Variants in DLGAP4 observed in about 807,000 individuals in gnomAD.
DLGAP4 encodes disks large-associated protein 4.
In DLGAP4, 18 loss-of-function variants were observed where a neutral mutation model predicts 86.9. The ratio of observed to expected loss-of-function variants is 0.21; its 90% CI spans 0.14 to 0.31. The LOEUF (loss-of-function observed/expected upper bound fraction) is 0.31, where lower values mean the gene tolerates loss of function less well. Ranked by LOEUF, DLGAP4 falls within the 10% of genes least tolerant of loss-of-function variation. The probability of loss-of-function intolerance (pLI) is 1.00; values close to 1 mark genes in which losing one functional copy is unlikely to be tolerated. For synonymous variants in DLGAP4, 548 were observed against 574.3 expected, an observed-to-expected ratio of 0.95 and a Z score of 0.65; for missense variants, 1,085 against 1,362.6, an observed-to-expected ratio of 0.80 and a Z score of 3.21.
intron 10 of DLGAP4, among the ~76,000 whole-genome samples, chr20:36,511,847 C>G (rs2036714534): frequency 6.8e-6 from 1 of 148,144 alleles, no homozygotes; most frequent in South Asian, 2.2e-4. Context: ...CGCGCTCCAG[C>G]CTGGGCGACA....
At chr20:36,370,741 G>T (rs1224686231) in intron 2 of DLGAP4, among the ~76,000 whole-genome samples, 1 of 152,206 alleles carries the variant, frequency 6.6e-6, no homozygotes, top group Non-Finnish European at 1.5e-5. Flanking sequence ...GATCACTTGA[G>T]CCCAAAAGTT....
intron 10 of DLGAP4, among the ~76,000 whole-genome samples, chr20:36,513,019 T>A (rs554674602): frequency 7.1e-6 from 1 of 141,046 alleles, no homozygotes; most frequent in East Asian, 2.1e-4. Flanking sequence ...CGGCGCAATT[T>A]TGGCTGACTG....
intron 2 of DLGAP4, among the ~76,000 whole-genome samples, chr20:36,396,656 A>C (rs2032008606): frequency 7.4e-6 from 1 of 135,660 alleles, no homozygotes; most frequent in Non-Finnish European, 1.6e-5. Context: ...ACACACACAC[A>C]CCACACACAT....
intron 1 of DLGAP4, among the ~76,000 whole-genome samples, chr20:36,319,016 G>A (rs1433651231): frequency 2.6e-5 from 4 of 151,978 alleles, no homozygotes; most frequent in Admixed American, 6.6e-5. Context: ...GGTGGTGCAC[G>A]CCTGTAGTCC....
At chr20:36,340,057 C>A (rs188670583) in intron 1 of DLGAP4, among the ~76,000 whole-genome samples, 1 of 152,094 alleles carries the variant, frequency 6.6e-6, no homozygotes, top group South Asian at 2.1e-4. Context: ...TCTTGCCGCC[C>A]ACATGAATAT....
intron 2 of DLGAP4, among the ~76,000 whole-genome samples, chr20:36,403,885 C>T (rs1451905132): frequency 6.6e-6 from 1 of 152,184 alleles, no homozygotes; most frequent in Admixed American, 6.5e-5. Context: ...GGCAGGAGGC[C>T]ACGTGGACCA....
At chr20:36,315,432 C>G (rs915145944) in intron 1 of DLGAP4, among the ~76,000 whole-genome samples, 48 of 62,990 alleles carry the variant, frequency 7.6e-4, no homozygotes, top group African/African-American at 3.2e-3. Flanking sequence ...ACAGTCAAGG[C>G]TGGCTGCGTG....
At chr20:36,366,904 G>T (rs1380742117) in intron 1 of DLGAP4, 141 bp from the exon 2 acceptor site, 1 of 152,216 alleles carries the variant, frequency 6.6e-6, no homozygotes, top group Non-Finnish European at 1.5e-5. Context: ...GGAAAATGTA[G>T]TGTTGTGCAA....
rs761189361 is a variant in DLGAP4 at position 36,431,777 on chromosome 20, C to T, written c.60C>T (p.His20=). ...RHLSDSLDPP[H]EPLFAGTDRN... ...TCTCCGACAGCCTAGACCCACCCCA[C>T]GAGCCCCTGTTTGCAGGGACCGACC... Residue 20 remains histidine (H), a synonymous_variant, in exon 3 of 13, where the codon CAC becomes CAT. Transcript: ENST00000339266. The surrounding 1 kb of genome is among the most constrained non-coding windows in gnomAD (Gnocchi z 5.1). 8 of 1,612,722 alleles carry T rather than the reference C, an allele frequency of 5.0e-6. No individual in the cohort carries two copies. The highest frequency in any genetic ancestry group is 3.3e-4 in the Middle Eastern group (2 of 6,080).
chr20:36,457,608 T>C (rs901563423), intron 7 of DLGAP4, among the ~76,000 whole-genome samples: 2 of 151,780 alleles, frequency 1.3e-5, no homozygotes, highest in Non-Finnish European at 2.9e-5. Flanking sequence ...CTTGAACTCC[T>C]GACCTCAGGT....
intron 2 of DLGAP4, among the ~76,000 whole-genome samples, chr20:36,382,219 G>T (rs768160307): frequency 6.6e-6 from 1 of 152,136 alleles, no homozygotes; most frequent in Non-Finnish European, 1.5e-5. Context: ...TGAAACCTTG[G>T]TTTTCCTTTT....
intron 2 of DLGAP4, among the ~76,000 whole-genome samples, chr20:36,416,355 C>T (rs1028511304): frequency 6.6e-6 from 1 of 152,234 alleles, no homozygotes; most frequent in Non-Finnish European, 1.5e-5. Context: ...CTCCTGACCT[C>T]AAGAGACCCA....
In DLGAP4 at chr20:36,431,833, C is replaced by A. The variant is rs141542744; in HGVS notation, c.116C>A (p.Ala39Asp). The change falls in exon 3 of 13, where the codon GCC becomes GAC. Residue 39 changes from alanine (A) to aspartate (D), a missense_variant. This residue lies in a region of DLGAP4 where 1,082 missense variants were observed against 1,344.1 expected (regional missense o/e 0.81). Transcript: ENST00000339266. The surrounding 1 kb of genome is among the most constrained non-coding windows in gnomAD (Gnocchi z 5.1). Reference sequence around the variant, plus strand: ...CCCTACCTGCTGTCGCCCACGGAGGCCTTCGCCCGCGAGGCCCGCTTCCCC... The same window carrying A: ...CCCTACCTGCTGTCGCCCACGGAGGACTTCGCCCGCGAGGCCCGCTTCCCC... ...RNPYLLSPTE[A>D]FAREARFPGQ... 65 of 1,613,822 alleles carry A rather than the reference C, an allele frequency of 4.0e-5. 1 individual carries two copies. The Admixed American group carries it at 5.2e-4, about 13-fold the overall frequency.
At chr20:36,359,690 G>A (rs782422393) in intron 1 of DLGAP4, among the ~76,000 whole-genome samples, 6 of 152,170 alleles carry the variant, frequency 3.9e-5, no homozygotes, top group African/African-American at 9.7e-5. Flanking sequence ...TTGGTACTGC[G>A]TGCAAGGACC....
chr20:36,512,931 CTTTTTTTTTTTTTTTTTTTTTTTTT>C (rs57978491), intron 10 of DLGAP4, among the ~76,000 whole-genome samples: 1 of 23,530 alleles, frequency 4.2e-5, no homozygotes, highest in Non-Finnish European at 8.9e-5. Context: ...CTCAGAGGCC[CTTTTTTTTTTTTTTTTTTTTTTTTT>C]TTTTTTTTTT....
chr20:36,505,472 C>G (rs1209996618), intron 10 of DLGAP4, among the ~76,000 whole-genome samples: 5 of 151,806 alleles, frequency 3.3e-5, no homozygotes, highest in Admixed American at 2.6e-4. Flanking sequence ...CTATGGACCC[C>G]TTCTTAGAAT....
At chr20:36,501,700 A>G (rs191527150) in intron 10 of DLGAP4, among the ~76,000 whole-genome samples, 1 of 152,214 alleles carries the variant, frequency 6.6e-6, no homozygotes, top group Admixed American at 6.5e-5. Context: ...AGAGTGTCCA[A>G]ATGGTTTGAC....
At chr20:36,307,957 G>A (rs564387375) in intron 1 of DLGAP4, among the ~76,000 whole-genome samples, 19 of 152,364 alleles carry the variant, frequency 1.2e-4, no homozygotes, top group Admixed American at 5.9e-4. Context: ...GAGGGCACTG[G>A]GCTGCCTGGT....
chr20:36,369,959 A>G (rs369838412), intron 2 of DLGAP4, among the ~76,000 whole-genome samples: 1 of 152,194 alleles, frequency 6.6e-6, no homozygotes, highest in African/African-American at 2.4e-5. Context: ...ACTACTTGTC[A>G]TGCTGCCAAA....
Sources: allele counts gnomAD v4.1 joint callset (sites outside exome capture counted in the v4.1 genomes callset), GRCh38; gene constraint gnomAD v4.1.1; regional missense constraint gnomAD v4.1.1; non-coding constraint Gnocchi (gnomAD v3.1); transcripts MANE v1.5; gene names NCBI Gene and HGNC (gene_info 2026-07-23, HGNC 2026-07-21).